The following CFAP74 variants were observed in gnomAD, a reference collection of about 807,000 sequenced individuals.
CFAP74 encodes cilia- and flagella-associated protein 74.
A neutral mutation model predicts 188.9 loss-of-function variants in CFAP74; 124 were observed. The observed-to-expected ratio is 0.66, with a 90% CI of 0.57 to 0.76. CFAP74 has a LOEUF of 0.76. Ranked by LOEUF, CFAP74 falls within the 30% of genes least tolerant of loss-of-function variation. The pLI, the probability that CFAP74 is intolerant of heterozygous loss-of-function variation, is 0.00. For synonymous variants in CFAP74, 956 were observed against 916.7 expected (o/e 1.04, Z -0.77); for missense variants, 2,198 against 2,165.2 (o/e 1.02, Z -0.30).
At chr1:1,932,441 C>T (rs1261892573) in intron 25 of CFAP74, among the ~76,000 whole-genome samples, 1 of 151,728 alleles carries the variant, frequency 6.6e-6, no homozygotes, top group Admixed American at 6.6e-5. Context: ...TGGGGTGTTG[C>T]CCAGGCTGGT....
intron 1 of CFAP74, among the ~76,000 whole-genome samples, chr1:1,991,415 C>T (rs1418702742): frequency 2.6e-5 from 4 of 151,918 alleles, no homozygotes; most frequent in African/African-American, 9.7e-5. Flanking sequence ...CTTTACACTC[C>T]CACCAGCAAA....
chr1:1,953,210 G>C (rs1189718154), intron 18 of CFAP74: 4 of 151,864 alleles, frequency 2.6e-5, no homozygotes, highest in African/African-American at 9.7e-5. Flanking sequence ...CAATGGCTCT[G>C]GCATAAGAAT....
chr1:1,979,808 G>C lies in CFAP74; in HGVS notation c.500+5578C>G, dbSNP rs1479890754. ...GTGTGGGAAGGCGTCACATGACGAA[G>C]CTGCGCAGAACACGCGTGTGGTACT... is the stretch of plus-strand genomic sequence containing the variant. On this transcript the variant is annotated intron_variant, in intron 6 of 38. Transcript: ENST00000682832. 1.7e-5 allele frequency among the ~76,000 whole-genome samples: 2 copies of C among 120,336 alleles called. 1 individual carries two copies. Among genetic ancestry groups the C allele is most frequent in the Non-Finnish European group, 3.6e-5 (2 of 55,564 alleles). 78.9% of individuals were successfully genotyped at this position (120,336 alleles called of 152,430 possible). A position where few individuals can be genotyped will look rare whatever the true frequency, so the allele number is the denominator to read the frequency against.
At chr1:1,948,335 C>T (rs527252257) in intron 18 of CFAP74, among the ~76,000 whole-genome samples, 13 of 150,640 alleles carry the variant, frequency 8.6e-5, no homozygotes, top group Admixed American at 1.3e-4. Flanking sequence ...TGCAGTGGTG[C>T]GATCACTGCA....
chr1:1,990,451 AAAC>A (rs1657502198), intron 2 of CFAP74, among the ~76,000 whole-genome samples: 3 of 140,950 alleles, frequency 2.1e-5, no homozygotes, highest in African/African-American at 7.7e-5. Context: ...ACAGAACCCA[AAAC>A]GGGGTGGGGA....
At chr1:1,939,501 G>T in intron 24 of CFAP74, 93 bp downstream of exon 24, 1 of 1,272,548 alleles carries the variant, frequency 7.9e-7, no homozygotes, top group Non-Finnish European at 1.1e-6. Flanking sequence ...ACATGCCCAC[G>T]CGTGGGGGAC....
intron 18 of CFAP74, among the ~76,000 whole-genome samples, chr1:1,949,308 G>A (rs752770319): frequency 1.3e-5 from 2 of 151,778 alleles, no homozygotes; most frequent in Non-Finnish European, 2.9e-5. Context: ...ACAGGTGCGT[G>A]CCACGATGTC....
chr1:1,940,208 G>T, intron 23 of CFAP74, 108 bp downstream of exon 23: 1 of 856,966 alleles, frequency 1.2e-6, no homozygotes, highest in Non-Finnish European at 1.8e-6. Flanking sequence ...AGGCAAGTGA[G>T]GATGAGCCCT....
chr1:1,977,042 G>A (rs1484048938), intron 6 of CFAP74, among the ~76,000 whole-genome samples: 2 of 151,854 alleles, frequency 1.3e-5, no homozygotes, highest in African/African-American at 2.4e-5. Flanking sequence ...TAGAGACGGG[G>A]TTTCACCGTG....
chr1:1,991,384 C>T (rs1304499463), intron 1 of CFAP74, among the ~76,000 whole-genome samples: 1 of 151,698 alleles, frequency 6.6e-6, no homozygotes, highest in Non-Finnish European at 1.5e-5. Flanking sequence ...AGAAACTGCC[C>T]AACAGTATCC....
Position 1,955,828 on chromosome 1 carries a change from T to C in CFAP74, c.2039A>G (p.Asp680Gly). 1.2e-6 allele frequency: 2 copies of C among 1,613,692 alleles called. No homozygotes were observed. Among genetic ancestry groups the C allele is most frequent in the South Asian group, 2.2e-5 (2 of 91,086 alleles). ...LKLSSLLTYE[D>G]KSLYDKAATS... ...GGCGGCTTTGTCATACAAGCTTTTATCTTCGTAGGTCAGGAGACTGCTCTA... is the reference window on the plus strand; with the variant it reads ...GGCGGCTTTGTCATACAAGCTTTTACCTTCGTAGGTCAGGAGACTGCTCTA... The change falls in exon 18 of 39, where the codon GAT becomes GGT. Residue 680 changes from aspartate to glycine, a missense_variant. Physicochemically the swap from Asp to Gly is moderately conservative, Grantham distance 94. Coordinates refer to ENST00000682832, the MANE Select transcript of CFAP74 (RefSeq NM_001304360.2).
At chr1:1,936,984 G>A (rs915436161) in intron 25 of CFAP74, among the ~76,000 whole-genome samples, 2 of 152,040 alleles carry the variant, frequency 1.3e-5, no homozygotes, top group Non-Finnish European at 2.9e-5. Context: ...GAAAATGGTC[G>A]AATCACAGGT....
intron 14 of CFAP74, among the ~76,000 whole-genome samples, chr1:1,961,931 C>T (rs1220951712): frequency 6.6e-6 from 1 of 152,220 alleles, no homozygotes; most frequent in Non-Finnish European, 1.5e-5. Flanking sequence ...AGCCCACGCG[C>T]CCCTGGGGGC....
chr1:1,930,302 G>T lies in CFAP74; in HGVS notation c.3046C>A (p.His1016Asn). ...TAGTGGGACAGCTCCAGGGGTGGGT[G>T]GACGCCTACAGCCCGGCAAGACAGC... The part of the protein sequence containing the change: ...FKLSCRAVGV[H>N]PPLELSHYQI... Residue 1016 changes from histidine to asparagine, a missense_variant, in exon 26 of 39, where the codon CAC (histidine) becomes AAC (asparagine). His to Asn is a moderately conservative substitution (Grantham distance 68, BLOSUM62 1). Coordinates refer to ENST00000682832, the MANE Select transcript of CFAP74 (RefSeq NM_001304360.2). 1 of 1,531,696 alleles carries T rather than the reference G, an allele frequency of 6.5e-7. No individual in the cohort carries two copies. Among genetic ancestry groups the T allele is most frequent in the South Asian group, 1.2e-5 (1 of 83,934 alleles). 94.9% of individuals were successfully genotyped at this position (1,531,696 alleles called of 1,614,324 possible).
intron 30 of CFAP74, 39 bp from the exon 31 acceptor site, chr1:1,926,551 C>A: frequency 6.5e-7 from 1 of 1,549,460 alleles, no homozygotes; most frequent in Non-Finnish European, 8.7e-7. Context: ...CAGCCCCAGG[C>A]CCCAGGGAGC....
At chr1:1,939,460 AG>A in intron 24 of CFAP74, 133 bp downstream of exon 24, 1 of 854,050 alleles carries the variant, frequency 1.2e-6, no homozygotes, top group Non-Finnish European at 1.8e-6. Context: ...CCAGGTGTGG[AG>A]GGGTGCAGCT....
intron 1 of CFAP74, among the ~76,000 whole-genome samples, chr1:1,994,067 C>T (rs918384293): frequency 8.7e-5 from 13 of 149,514 alleles, no homozygotes; most frequent in East Asian, 8.0e-4. Flanking sequence ...CAGGAGGCTG[C>T]GGTGGGAGGA....
intron 33 of CFAP74, among the ~76,000 whole-genome samples, chr1:1,924,845 C>T (rs1238327100): frequency 6.6e-6 from 1 of 152,264 alleles, no homozygotes; most frequent in Non-Finnish European, 1.5e-5. Context: ...CTGTGTCCTC[C>T]CTGCCCTCAC....
chr1:1,966,242 G>A (rs1323186488), intron 12 of CFAP74, 129 bp downstream of exon 12: 15 of 846,808 alleles, frequency 1.8e-5, no homozygotes, highest in Non-Finnish European at 2.6e-5. Flanking sequence ...AGGGTGGCGG[G>A]AGATGGCAGG....
Sources: gnomAD v4.1 joint callset for allele counts (sites outside exome capture counted in the v4.1 genomes callset) on GRCh38, gnomAD v4.1.1 for gene constraint, MANE v1.5 for transcripts, NCBI Gene and HGNC (gene_info 2026-07-23, HGNC 2026-07-21) for gene names.